FAM153A: variants seen among roughly 807,000 people sequenced by gnomAD.
FAM153A encodes protein FAM153A.
In FAM153A, 12 loss-of-function variants were observed where a neutral mutation model predicts 48.1. The ratio of observed to expected loss-of-function variants is 0.25; its 90% CI spans 0.16 to 0.40. The LOEUF is 0.40. Ranked by LOEUF, FAM153A falls within the 10% of genes least tolerant of loss-of-function variation. FAM153A has a pLI of 1.00. For missense variants in FAM153A, 111 were observed against 345.8 expected, an observed-to-expected ratio of 0.32 and a Z score of 5.38; for synonymous variants, 36 against 118.2, an observed-to-expected ratio of 0.30 and a Z score of 4.51.
At chr5:177,699,424 C>G in the FAM153A span, among the ~76,000 whole-genome samples, 2 of 151,502 alleles carry the variant, frequency 1.3e-5, no homozygotes, top group East Asian at 3.9e-4. Context: ...AAAATATCAA[C>G]AAAATTTACT....
chr5:177,703,047 G>A (rs1266107440), downstream of FAM153A, among the ~76,000 whole-genome samples: 1 of 152,120 alleles, frequency 6.6e-6, no homozygotes, highest in Non-Finnish European at 1.5e-5. Flanking sequence ...TAGTGGAGCT[G>A]TGAGAAGAGA....
chr5:177,709,663 GTTT>G (rs1202003911), downstream of FAM153A, among the ~76,000 whole-genome samples: 2 of 129,728 alleles, frequency 1.5e-5, no homozygotes, highest in Non-Finnish European at 3.3e-5. Flanking sequence ...GCCCGGCTGG[GTTT>G]TTTTTTTGTT....
At chr5:177,711,172 C>G (rs1758412522) in exon 27 of FAM153A, 1 of 151,760 alleles carries the variant, frequency 6.6e-6, no homozygotes, top group African/African-American at 2.4e-5. Flanking sequence ...TTATAATGCA[C>G]AAAGCCAATA....
the FAM153A span, among the ~76,000 whole-genome samples, chr5:177,700,989 A>T: frequency 6.6e-6 from 1 of 151,876 alleles, no homozygotes; most frequent in African/African-American, 2.4e-5. Context: ...GCCTGATGGG[A>T]GGTGAGTGGA....
At chr5:177,712,180 A>T (rs2127554188) in exon 27 of FAM153A, 1 of 151,982 alleles carries the variant, frequency 6.6e-6, no homozygotes, top group Non-Finnish European at 1.5e-5. Flanking sequence ...CAGCAAATAA[A>T]AAGATTCTCA....
downstream of FAM153A, among the ~76,000 whole-genome samples, chr5:177,704,608 A>AT (rs1177555688): frequency 6.6e-6 from 1 of 150,816 alleles, no homozygotes; most frequent in Non-Finnish European, 1.5e-5. Context: ...GTGGGAGGTG[A>AT]TTGGATCATG....
At chr5:177,768,275 C>T (rs1768864698) in intron 1 of FAM153A, among the ~76,000 whole-genome samples, 1 of 151,040 alleles carries the variant, frequency 6.6e-6, no homozygotes, top group Non-Finnish European at 1.5e-5. Context: ...AGCCTCCATG[C>T]ATTCAGCCAT....
At chr5:177,714,048 C>T (rs1331842375) in intron 25 of FAM153A, 1 of 151,822 alleles carries the variant, frequency 6.6e-6, no homozygotes, top group African/African-American at 2.4e-5. Flanking sequence ...TATGTTCATA[C>T]TTAACGGCAT....
At chr5:177,706,382 G>A (rs1440127267), downstream of FAM153A, among the ~76,000 whole-genome samples, 2 of 151,412 alleles carry the variant, frequency 1.3e-5, no homozygotes, top group South Asian at 2.1e-4. Context: ...TGTATTTTTA[G>A]TAGAGGCAGG....
At chr5:177,772,415 G>T (rs1769161157) in intron 1 of FAM153A, among the ~76,000 whole-genome samples, 1 of 59,638 alleles carries the variant, frequency 1.7e-5, no homozygotes, top group Non-Finnish European at 3.2e-5. Context: ...CCGTGCGCGA[G>T]CCGAAGCAGG....
the FAM153A span, among the ~76,000 whole-genome samples, chr5:177,699,009 T>C: frequency 6.6e-6 from 1 of 151,782 alleles, no homozygotes. Context: ...CTATATTCCC[T>C]AGGCTGGTCT....
chr5:177,701,890 T>G, the FAM153A span, among the ~76,000 whole-genome samples: 1 of 142,252 alleles, frequency 7.0e-6, no homozygotes, highest in South Asian at 2.3e-4. Context: ...AGGAACTTGA[T>G]GGGAACTGGA....
At chr5:177,737,423 C>T (rs1430871545) in intron 10 of FAM153A, among the ~76,000 whole-genome samples, 3 of 151,008 alleles carry the variant, frequency 2.0e-5, no homozygotes, top group African/African-American at 7.4e-5. Flanking sequence ...CTAATCTGAC[C>T]TGAGCTAACT....
At chr5:177,781,819 C>G (rs1375344259), upstream of FAM153A, 3 of 96,468 alleles carry the variant, frequency 3.1e-5, no homozygotes, top group Non-Finnish European at 6.6e-5. Flanking sequence ...CCCGGGTTCA[C>G]GCCATTCTCC....
intron 10 of FAM153A, 61 bp downstream of exon 12, chr5:177,739,052 G>A (rs4079422): frequency 0.32 from 488,137 of 1,538,922 alleles, 80,479 homozygotes; most frequent in South Asian, 0.39. Context: ...AGGCAAGAAC[G>A]TGTCACCTTT....
At chr5:177,696,884 C>T in the FAM153A span, among the ~76,000 whole-genome samples, 3 of 151,134 alleles carry the variant, frequency 2.0e-5, no homozygotes, top group African/African-American at 7.3e-5. Flanking sequence ...AACTGTAAGT[C>T]CTCCAACTTT....
Position 177,764,727 on chromosome 5 carries a change from AC to A in FAM153A, c.-57+15721del, listed in dbSNP as rs1768599393. 2.6e-5 allele frequency among the ~76,000 whole-genome samples: 4 copies of A among 152,166 alleles called. No homozygotes were observed. In the South Asian group the frequency reaches 8.3e-4, roughly 32 times the overall value. On this transcript the variant is annotated intron_variant, in intron 1 of 8. Transcript: ENST00000393518. ...CTTGCTCAAGTAATGATTGCGAGGAACAACTAGGCTCAGCCAGTGAGGACAG... is the reference window on the plus strand; with the variant it reads ...CTTGCTCAAGTAATGATTGCGAGGAAAACTAGGCTCAGCCAGTGAGGACAG...
exon 27 of FAM153A, chr5:177,712,527 C>G (rs1296304173): frequency 1.3e-5 from 2 of 151,772 alleles, no homozygotes; most frequent in East Asian, 1.9e-4. Context: ...TCTGAGGGGC[C>G]CCCCCCACCT....
downstream of FAM153A, chr5:177,711,027 GAA>G (rs905990825): frequency 1.3e-5 from 2 of 151,692 alleles, no homozygotes; most frequent in African/African-American, 4.9e-5. Context: ...TCTGAGAAAA[GAA>G]AAAGTTCTGT....
Sources: gnomAD v4.1 joint callset for allele counts (sites outside exome capture counted in the v4.1 genomes callset) on GRCh38, gnomAD v4.1.1 for gene constraint, MANE v1.5 for transcripts, NCBI Gene and HGNC (gene_info 2026-07-23, HGNC 2026-07-21) for gene names.